EXOSC10: variants seen among roughly 807,000 people sequenced by gnomAD.
EXOSC10 encodes exosome complex component 10.
In EXOSC10, 94 loss-of-function variants were observed where a neutral mutation model predicts 126.6. That is an observed-to-expected ratio of 0.74 (90% CI 0.63 to 0.88). The LOEUF is 0.88. EXOSC10 is among the 40% of genes least tolerant of loss of function. The pLI, the probability that EXOSC10 is intolerant of heterozygous loss-of-function variation, is 0.00. For synonymous variants in EXOSC10, 395 were observed against 400.8 expected (o/e 0.99, Z 0.17); for missense variants, 1,041 against 1,100.5 (o/e 0.95, Z 0.77).
intron 19 of EXOSC10, among the ~76,000 whole-genome samples, chr1:11,073,457 A>G (rs1449962905): frequency 6.6e-6 from 1 of 152,150 alleles, no homozygotes; most frequent in Admixed American, 6.5e-5. Flanking sequence ...ATCTCACTGA[A>G]GTTCTGGACC....
At chr1:11,068,167 C>A in intron 23 of EXOSC10, 83 bp from the exon 24 acceptor site, 1 of 1,092,504 alleles carries the variant, frequency 9.2e-7, no homozygotes, top group Non-Finnish European at 1.4e-6. Context: ...CTCAGGTGGC[C>A]AAAGATTCTA....
intron 14 of EXOSC10, among the ~76,000 whole-genome samples, 162 bp downstream of exon 14, chr1:11,079,549 C>A (rs190345277): frequency 2.0e-5 from 3 of 151,398 alleles, no homozygotes; most frequent in South Asian, 2.1e-4. Context: ...GTGCACCACA[C>A]GCCTGGCTAA....
chr1:11,080,992 C>A, intron 11 of EXOSC10, 80 bp from the exon 12 acceptor site: 1 of 1,576,494 alleles, frequency 6.3e-7, no homozygotes. Context: ...TGGCTCTTTT[C>A]ATGAATGTAA....
chr1:11,083,510 C>T (rs150853023), intron 9 of EXOSC10, among the ~76,000 whole-genome samples: 1,459 of 139,526 alleles, frequency 0.01, 33 homozygotes, highest in African/African-American at 0.039. Context: ...TGCAGTGAGC[C>T]GAGATCGTAC....
intron 3 of EXOSC10, 84 bp from the exon 4 acceptor site, chr1:11,091,681 T>C: frequency 9.8e-7 from 1 of 1,017,568 alleles, no homozygotes. Context: ...TTATTTAACA[T>C]GGAGTATCAC....
Position 11,095,105 on chromosome 1 carries a change from C to T in EXOSC10, c.372+653G>A, listed in dbSNP as rs183328323. ...TGGGTGCCTGTAATCCCAGCTACTC[C>T]GGAGGCTGAGGTAGGAGAATCGCTT... On this transcript the variant is annotated intron_variant, in intron 3 of 24. Transcript: ENST00000376936. Among the ~76,000 whole-genome samples, 941 of 150,692 alleles carry T rather than the reference C, an allele frequency of 6.2e-3. 12 individuals carry two copies. The highest frequency in any genetic ancestry group is 0.02 in the African/African-American group (822 of 41,064).
At chr1:11,082,963 C>G (rs1640251683) in intron 9 of EXOSC10, 85 bp from the exon 10 acceptor site, 4 of 1,103,376 alleles carry the variant, frequency 3.6e-6, no homozygotes, top group African/African-American at 1.5e-5. Context: ...TTTATTAGAA[C>G]ACTGAAATTA....
Position 11,091,560 on chromosome 1 carries a change from T to C in EXOSC10, c.410A>G (p.Asn137Ser). ...LLDEASGVNK[N>S]QQPVLPAGLQ... ...GCCGGCAGGGAGGACAGGCTGTTGA[T>C]TCTTGTTTACACCTGAGGCTTCATC... The change falls in exon 4 of 25, where the codon AAT becomes AGT. Residue 137 changes from asparagine to serine, a missense_variant. Asn to Ser is a conservative substitution (Grantham distance 46). Transcript: ENST00000376936. 6.2e-7 allele frequency: 1 copy of C among 1,614,180 alleles called. No individual in the cohort carries two copies. The highest frequency in any genetic ancestry group is 8.5e-7 in the Non-Finnish European group (1 of 1,180,032).
intron 14 of EXOSC10, 151 bp from the exon 15 acceptor site, chr1:11,077,802 CATG>C: frequency 1.6e-6 from 1 of 627,312 alleles, no homozygotes; most frequent in Non-Finnish European, 2.8e-6. Flanking sequence ...CAGTGCCTGG[CATG>C]ATAATTATTT....
At chr1:11,079,876 A>G in intron 13 of EXOSC10, 54 bp from the exon 14 acceptor site, 1 of 1,378,150 alleles carries the variant, frequency 7.3e-7, no homozygotes, top group Non-Finnish European at 1.0e-6. Flanking sequence ...CAGCCCTTAA[A>G]GGCTTCCAGA....
chr1:11,076,860 A>G lies in EXOSC10; in HGVS notation c.1968T>C (p.Ala656=). 2 of 1,613,124 alleles carry G rather than the reference A, an allele frequency of 1.2e-6. No homozygotes were observed. Among genetic ancestry groups the G allele is most frequent in the South Asian group, 1.1e-5 (1 of 91,076 alleles). The change falls in exon 17 of 25, where the codon GCT becomes GCC. Residue 656 remains alanine, a synonymous_variant. Coordinates refer to ENST00000376936, the MANE Select transcript of EXOSC10 (RefSeq NM_001001998.3). The stretch of plus-strand genomic sequence containing the variant: ...TACTCACATTAAATAACGTGATGAC[A>G]GCTGTGGCAATCAGGCATGTGGTAC... ...LLGTTCLIAT[A]VITLFNEPSA... is the part of the protein sequence containing the mutation.
At chr1:11,083,163 G>T (rs754684092) in intron 9 of EXOSC10, among the ~76,000 whole-genome samples, 7 of 152,134 alleles carry the variant, frequency 4.6e-5, no homozygotes, top group Non-Finnish European at 1.0e-4. Flanking sequence ...TCCCCAGGCT[G>T]GTCTCAATCT....
chr1:11,082,323 T>G (rs1465603789), intron 10 of EXOSC10, among the ~76,000 whole-genome samples: 4 of 151,104 alleles, frequency 2.6e-5, no homozygotes, highest in African/African-American at 9.8e-5. Flanking sequence ...TGGAAGGTCA[T>G]CTTGCACACA....
intron 16 of EXOSC10, 58 bp from the exon 17 acceptor site, chr1:11,077,006 T>G: frequency 7.1e-7 from 1 of 1,406,158 alleles, no homozygotes; most frequent in Non-Finnish European, 1.0e-6. Flanking sequence ...ATTTTTTCTT[T>G]TTGAGATGGA....
chr1:11,066,692 C>T lies in EXOSC10; in HGVS notation c.*26G>A. The T allele has an allele frequency of 6.2e-7, 1 of 1,613,894 alleles. No individual in the cohort carries two copies. The highest frequency in any genetic ancestry group is 8.5e-7 in the Non-Finnish European group (1 of 1,179,768). ...AGCACCAGCATTTGGTGCTTCCGGT[C>T]CACAGGCGCCACGTGTCTTCCAGGA... On this transcript the variant is annotated 3_prime_UTR_variant, in exon 25 of 25. Transcript: ENST00000376936.
intron 20 of EXOSC10, chr1:11,071,226 G>A (rs906174225): frequency 4.2e-5 from 21 of 494,246 alleles, no homozygotes; most frequent in Non-Finnish European, 6.1e-5. Flanking sequence ...GAACCTAAAT[G>A]CTCAGTGGCC....
intron 22 of EXOSC10, among the ~76,000 whole-genome samples, chr1:11,069,244 T>TGTGTGTGTGTGTGTGTGTGTGAGA: frequency 8.6e-6 from 1 of 116,826 alleles, no homozygotes; most frequent in Non-Finnish European, 2.0e-5. Context: ...TGTGTGTGTG[T>TGTGTGTGTGTGTGTGTGTGTGAGA]GAGAGAGAGA....
intron 2 of EXOSC10, among the ~76,000 whole-genome samples, chr1:11,097,153 C>A (rs867635246): frequency 6.6e-6 from 1 of 151,284 alleles, no homozygotes; most frequent in South Asian, 2.1e-4. Flanking sequence ...GAGGTTGCTG[C>A]GAGCCGAGAT....
chr1:11,076,804 G>A (rs764816118), intron 17 of EXOSC10, 38 bp downstream of exon 17: 1 of 1,443,244 alleles, frequency 6.9e-7, no homozygotes, highest in Admixed American at 1.7e-5. Flanking sequence ...AATCCCAGGG[G>A]GTCCTCATCA....
Sources: gnomAD v4.1 joint callset for allele counts (sites outside exome capture counted in the v4.1 genomes callset) on GRCh38, gnomAD v4.1.1 for gene constraint, MANE v1.5 for transcripts, NCBI Gene and HGNC (gene_info 2026-07-23, HGNC 2026-07-21) for gene names.